TEX11: variants seen among roughly 807,000 people sequenced by gnomAD.
TEX11 encodes testis-expressed protein 11.
A neutral mutation model predicts 84.4 loss-of-function variants in TEX11; 7 were observed. The ratio of observed to expected loss-of-function variants is 0.08; its 90% confidence interval spans 0.05 to 0.16. The LOEUF is 0.16. Among genes scored for constraint, TEX11 ranks in the 10% least tolerant of loss-of-function variants. The pLI, the probability that TEX11 is intolerant of heterozygous loss-of-function variation, is 1.00. For missense variants in TEX11, 551 were observed against 660.5 expected (o/e 0.83, Z 1.82); for synonymous variants, 264 against 222.8 (o/e 1.18, Z -1.64).
In TEX11 at chrX:70,647,615, G is replaced by A. The variant is rs146515154; in HGVS notation, c.1483+3835C>T. Among the ~76,000 whole-genome samples, 568 of 108,365 alleles carry A rather than the reference G, an allele frequency of 5.2e-3. 4 individuals carry two copies. The highest frequency in any genetic ancestry group is 0.018 in the African/African-American group (525 of 29,305). 94.1% of individuals were successfully genotyped at this position (108,365 alleles called of 115,157 possible). On this transcript the variant is annotated intron_variant, in intron 17 of 29. Coordinates refer to ENST00000374333, the MANE Select transcript of TEX11 (RefSeq NM_031276.3). Reference sequence around the variant, plus strand: ...TGGGAGGTCAAGGCTGCAATGAGCCGTGATCATTCCACTGCACTTCCACTT... The same window carrying A: ...TGGGAGGTCAAGGCTGCAATGAGCCATGATCATTCCACTGCACTTCCACTT...
intron 9 of TEX11, among the ~76,000 whole-genome samples, chrX:70,773,856 G>A (rs1235589067): frequency 1.8e-5 from 2 of 111,255 alleles, no homozygotes; most frequent in East Asian, 5.7e-4. Context: ...AGCAAAAAAG[G>A]AGACGGAGGT....
At chrX:70,803,978 T>C (rs760414453) in intron 9 of TEX11, among the ~76,000 whole-genome samples, 18 of 109,980 alleles carry the variant, frequency 1.6e-4, no homozygotes, top group Non-Finnish European at 3.1e-4. Context: ...GCTCCGCCTC[T>C]ACAAAAAAAC....
At chrX:70,728,447 A>C (rs912656667) in intron 11 of TEX11, among the ~76,000 whole-genome samples, 1 of 112,853 alleles carries the variant, frequency 8.9e-6, no homozygotes, top group Non-Finnish European at 1.9e-5. Flanking sequence ...CACCTGGAAA[A>C]TCAGGTCACT....
At chrX:70,659,943 C>T (rs1479046353) in intron 16 of TEX11, among the ~76,000 whole-genome samples, 2 of 112,023 alleles carry the variant, frequency 1.8e-5, no homozygotes. Context: ...CTTACACAAA[C>T]TTAGATGGTA....
intron 9 of TEX11, among the ~76,000 whole-genome samples, chrX:70,792,318 ATATATAT>A (rs2091126825): frequency 2.1e-4 from 1 of 4,668 alleles, no homozygotes; most frequent in Non-Finnish European, 3.2e-4. Flanking sequence ...AAAAAAAAAT[ATATATAT>A]ATATATATAT....
At chrX:70,546,688 C>CA (rs2088130258) in intron 28 of TEX11, among the ~76,000 whole-genome samples, 1 of 109,771 alleles carries the variant, frequency 9.1e-6, no homozygotes, top group South Asian at 3.9e-4. Context: ...ATGGCTATAA[C>CA]AAAAAAAAGA....
rs1258645033 is a variant in TEX11 at position 70,858,455 on chromosome X, AAAGAAG to A, written c.324+2396_324+2401del. Among the ~76,000 whole-genome samples the A allele has an allele frequency of 7.1e-3, 768 of 107,985 alleles. 3 individuals carry two copies. The highest frequency in any genetic ancestry group is 0.01 in the Non-Finnish European group (545 of 52,209). The allele number at this position is 107,985 out of a possible 115,157, so 93.8% of individuals were successfully genotyped here. Reference sequence around the variant, plus strand: ...AGACTCCATCTCAAGAAAAAAAAAAAAAGAAGAAGAAGAACTTACATAACCAAATAC... The same window carrying A: ...AGACTCCATCTCAAGAAAAAAAAAAAAAGAAGAACTTACATAACCAAATAC... On this transcript the variant is annotated intron_variant, in intron 5 of 29. Transcript: ENST00000374333.
At chrX:70,846,841 T>C (rs2091481821) in intron 7 of TEX11, among the ~76,000 whole-genome samples, 1 of 111,364 alleles carries the variant, frequency 9.0e-6, no homozygotes, top group South Asian at 3.8e-4. Context: ...TGAGAATAGC[T>C]TGAACCCAGG....
chrX:70,903,682 G>C (rs57428953), intron 2 of TEX11, among the ~76,000 whole-genome samples: 8,122 of 110,103 alleles, frequency 0.074, 865 homozygotes, highest in African/African-American at 0.25. Context: ...AGGAATGTTT[G>C]AACAAACTGA....
intron 1 of TEX11, among the ~76,000 whole-genome samples, chrX:70,908,338 C>G (rs2091845493): frequency 9.0e-6 from 1 of 110,690 alleles, no homozygotes; most frequent in African/African-American, 3.3e-5. Context: ...TACATTGCCC[C>G]CAACGGTCAT....
chrX:70,897,171 T>C (rs760585792), intron 2 of TEX11, among the ~76,000 whole-genome samples: 216 of 42,100 alleles, frequency 5.1e-3, no homozygotes, highest in Non-Finnish European at 0.01. Flanking sequence ...TATATTTTTA[T>C]ATATATGTTA....
chrX:70,621,634 A>G (rs2089396688), intron 20 of TEX11, among the ~76,000 whole-genome samples: 1 of 97,219 alleles, frequency 1.0e-5, no homozygotes, highest in Admixed American at 1.2e-4. Context: ...CTTAAAGCAA[A>G]CAAAGGAATG....
chrX:70,639,706 G>A (rs1324095069), intron 17 of TEX11, among the ~76,000 whole-genome samples: 1 of 111,584 alleles, frequency 9.0e-6, no homozygotes, highest in Non-Finnish European at 1.9e-5. Flanking sequence ...GCAGCTGAGG[G>A]TCCTGTCTGT....
At chrX:70,692,325 T>C (rs1211864552) in intron 13 of TEX11, among the ~76,000 whole-genome samples, 1 of 111,344 alleles carries the variant, frequency 9.0e-6, no homozygotes, top group Non-Finnish European at 1.9e-5. Context: ...CAATTTTGAG[T>C]GCACAATACT....
intron 25 of TEX11, among the ~76,000 whole-genome samples, chrX:70,584,271 C>A (rs1259132746): frequency 1.1e-5 from 1 of 90,892 alleles, no homozygotes; most frequent in Non-Finnish European, 2.1e-5. Context: ...GCCTGGGCGA[C>A]AGAGCGAGAC....
intron 16 of TEX11, among the ~76,000 whole-genome samples, chrX:70,660,615 G>A (rs1401037224): frequency 4.5e-5 from 5 of 112,063 alleles, no homozygotes; most frequent in African/African-American, 1.6e-4. Flanking sequence ...AGTCCTCAGG[G>A]GCAATAACAT....
At chrX:70,717,262 G>C (rs2090513583) in intron 13 of TEX11, among the ~76,000 whole-genome samples, 1 of 109,671 alleles carries the variant, frequency 9.1e-6, no homozygotes, top group African/African-American at 3.3e-5. Context: ...TGGATCATCA[G>C]AAAACTAGGT....
In TEX11 at chrX:70,681,145, A is replaced by T. The variant is rs1196401961; in HGVS notation, c.1156+1529T>A. Among the ~76,000 whole-genome samples the T allele has an allele frequency of 5.3e-5, 6 of 112,939 alleles. No individual in the cohort carries two copies. In the East Asian group the frequency reaches 1.7e-3, roughly 31 times the overall value. ...TGCACCTCCTCTTCTGCCCTTTGGC[A>T]TAAACTATCAATTTCCACAAAAGTC... On this transcript the variant is annotated intron_variant, in intron 14 of 29. Coordinates refer to ENST00000374333, the MANE Select transcript of TEX11 (RefSeq NM_031276.3).
intron 9 of TEX11, among the ~76,000 whole-genome samples, chrX:70,781,223 C>T (rs768374629): frequency 8.9e-6 from 1 of 111,914 alleles, no homozygotes; most frequent in East Asian, 2.8e-4. Flanking sequence ...GCTGAGGGAC[C>T]TCACTGGTAG....
Sources: allele counts gnomAD v4.1 joint callset (sites outside exome capture counted in the v4.1 genomes callset), GRCh38; gene constraint gnomAD v4.1.1; transcripts MANE v1.5; gene names NCBI Gene and HGNC (gene_info 2026-07-23, HGNC 2026-07-21).